Variants in NTN5 observed in about 807,000 individuals in gnomAD.
NTN5 encodes netrin 5.
A neutral mutation model predicts 38.7 loss-of-function variants in NTN5; 42 were observed. The ratio of observed to expected loss-of-function variants is 1.08; its 90% CI spans 0.85 to 1.40. The LOEUF is 1.40. Among genes scored for constraint, NTN5 ranks in the 40% most tolerant of loss-of-function variants. NTN5 has a pLI of 0.00. For missense variants in NTN5, 658 were observed against 716.5 expected (o/e 0.92, Z 0.93); for synonymous variants, 329 against 303.9 (o/e 1.08, Z -0.86).
chr19:48,672,894 C>T (rs1036410519), intron 1 of NTN5, 38 bp downstream of exon 1: 5 of 214,980 alleles, frequency 2.3e-5, no homozygotes, highest in Non-Finnish European at 3.9e-5. Flanking sequence ...GGCATGCACC[C>T]CCCAACCCGA....
chr19:48,661,509 CT>C lies in NTN5; in HGVS notation c.*167del. On this transcript the variant is annotated 3_prime_UTR_variant, in exon 7 of 7. Transcript: ENST00000270235. ...TGGGACCAGAAGTCCCGCTTGCCGC[CT>C]TTTGCTAAAAGTTCCGCACGCCTGC... 1.2e-6 allele frequency: 1 copy of C among 804,040 alleles called. No individual in the cohort carries two copies. Among genetic ancestry groups the C allele is most frequent in the Non-Finnish European group, 1.7e-6 (1 of 580,758 alleles). The allele number at this position is 804,040 out of a possible 1,614,324, so 49.8% of individuals were successfully genotyped here.
intron 2 of NTN5, among the ~76,000 whole-genome samples, chr19:48,668,467 C>CT: frequency 6.6e-6 from 1 of 152,276 alleles, no homozygotes; most frequent in South Asian, 2.1e-4. Context: ...GTCACTTGCC[C>CT]AAGGTCTCAC....
intron 2 of NTN5, among the ~76,000 whole-genome samples, chr19:48,669,468 T>C (rs866423636): frequency 1.5e-4 from 3 of 20,312 alleles, no homozygotes; most frequent in Non-Finnish European, 2.4e-4. Context: ...ACCACCATCA[T>C]CACCACCATC....
intron 2 of NTN5, among the ~76,000 whole-genome samples, chr19:48,669,312 T>C (rs866638478): frequency 1.2e-3 from 14 of 12,088 alleles, no homozygotes; most frequent in South Asian, 2.9e-3. Context: ...ACCACCACCA[T>C]CACCACCACC....
At position 48,661,521 on chromosome 19, in the gene NTN5, G is replaced by T; in HGVS notation, c.*156C>A. Reference sequence around the variant, plus strand: ...TCCCGCTTGCCGCCTTTTGCTAAAAGTTCCGCACGCCTGCTCGGCGTGGGC... The same window carrying T: ...TCCCGCTTGCCGCCTTTTGCTAAAATTTCCGCACGCCTGCTCGGCGTGGGC... On this transcript the variant is annotated 3_prime_UTR_variant, in exon 7 of 7. Transcript: ENST00000270235. The T allele has an allele frequency of 1.0e-6, 1 of 955,102 alleles. No homozygotes were observed. The highest frequency in any genetic ancestry group is 1.4e-6 in the Non-Finnish European group (1 of 721,150). The allele number at this position is 955,102 out of a possible 1,614,324, so 59.2% of individuals were successfully genotyped here.
Position 48,661,483 on chromosome 19 carries a change from T to C in NTN5, c.*194A>G, listed in dbSNP as rs281391. ...AAGCCACAGGCCAAAGGAGGAAATGTTGGGACCAGAAGTCCCGCTTGCCGC... is the reference window on the plus strand; with the variant it reads ...AAGCCACAGGCCAAAGGAGGAAATGCTGGGACCAGAAGTCCCGCTTGCCGC... On this transcript the variant is annotated 3_prime_UTR_variant, in exon 7 of 7. Transcript: ENST00000270235. 385,277 of 538,988 alleles carry C rather than the reference T, an allele frequency of 0.71. 140,776 individuals carry two copies. Among genetic ancestry groups the C allele is most frequent in the Middle Eastern group, 0.83 (1,506 of 1,812 alleles). The allele number at this position is 538,988 out of a possible 1,614,324, so 33.4% of individuals were successfully genotyped here.
At chr19:48,671,478 A>G (rs11880281) in intron 1 of NTN5, among the ~76,000 whole-genome samples, 52,878 of 151,846 alleles carry the variant, frequency 0.35, 10,342 homozygotes, top group African/African-American at 0.54. Context: ...GGCACAGAGA[A>G]GTTGCTGCAA....
chr19:48,662,159 G>C (rs942436734), intron 6 of NTN5, 118 bp from the exon 7 acceptor site: 1 of 1,088,456 alleles, frequency 9.2e-7, no homozygotes, highest in Non-Finnish European at 1.2e-6. Context: ...TTCTGGTATC[G>C]CAGTGGGGAG....
chr19:48,669,864 T>TCACCACCACCATCAC (rs1568452647), intron 2 of NTN5, among the ~76,000 whole-genome samples: 1 of 43,916 alleles, frequency 2.3e-5, no homozygotes, highest in Admixed American at 2.0e-4. Context: ...ACCACCACCA[T>TCACCACCACCATCAC]CACCATCATC....
chr19:48,662,046 G>C lies in NTN5; in HGVS notation c.1106-5C>G. The C allele has an allele frequency of 2.1e-6, 3 of 1,462,860 alleles. No individual in the cohort carries two copies. Among genetic ancestry groups the C allele is most frequent in the Non-Finnish European group, 2.7e-6 (3 of 1,115,328 alleles). The allele number at this position is 1,462,860 out of a possible 1,614,324, so 90.6% of individuals were successfully genotyped here. A position where few individuals can be genotyped will look rare whatever the true frequency, so the allele number is the denominator to read the frequency against. On this transcript the variant is annotated splice_polypyrimidine_tract_variant and splice_region_variant and intron_variant, in intron 6 of 6. Coordinates refer to ENST00000270235, the MANE Select transcript of NTN5 (RefSeq NM_145807.4). ...CTAGCACCTGCGCGCGGAGAACTGT[G>C]GGGAGGGGAGATGTCAGCCCAGGTC...
intron 1 of NTN5, among the ~76,000 whole-genome samples, chr19:48,671,339 A>G (rs2031958041): frequency 6.6e-6 from 1 of 150,748 alleles, no homozygotes. Context: ...GTGGAAACCT[A>G]GAGAGGGACA....
In NTN5 at chr19:48,661,936, C is replaced by T. The variant is rs1165896157; in HGVS notation, c.1211G>A (p.Arg404His). The T allele has an allele frequency of 1.5e-6, 2 of 1,377,690 alleles. No individual in the cohort carries two copies. The highest frequency in any genetic ancestry group is 1.9e-6 in the Non-Finnish European group (2 of 1,070,608). The allele number at this position is 1,377,690 out of a possible 1,614,324, so 85.3% of individuals were successfully genotyped here. Residue 404 changes from arginine to histidine, a missense_variant, in exon 7 of 7, where the codon CGC becomes CAC. Physicochemically the swap from Arg to His is conservative, Grantham distance 29. Transcript: ENST00000270235. Reference protein sequence around the residue: ...VYKQRAQPVRRGDQDAWVPRA... With the variant: ...VYKQRAQPVRHGDQDAWVPRA... Reference sequence around the variant, plus strand: ...GGGCACCCAGGCGTCCTGGTCGCCGCGTCGCACGGGCTGCGCCCGCTGCTT... The same window carrying T: ...GGGCACCCAGGCGTCCTGGTCGCCGTGTCGCACGGGCTGCGCCCGCTGCTT...
Position 48,661,591 on chromosome 19 carries a change from C to G in NTN5, c.*86G>C, listed in dbSNP as rs1047600071. 12 of 1,360,274 alleles carry G rather than the reference C, an allele frequency of 8.8e-6. No homozygotes were observed. Among genetic ancestry groups the G allele is most frequent in the Non-Finnish European group, 1.0e-5 (11 of 1,049,984 alleles). The allele number at this position is 1,360,274 out of a possible 1,614,324, so 84.3% of individuals were successfully genotyped here. A position where few individuals can be genotyped will look rare whatever the true frequency, so the allele number is the denominator to read the frequency against. On this transcript the variant is annotated 3_prime_UTR_variant, in exon 7 of 7. Coordinates refer to ENST00000270235, the MANE Select transcript of NTN5 (RefSeq NM_145807.4). The stretch of plus-strand genomic sequence containing the variant: ...GGCTCTGCGACGTCTGATTGGCTCT[C>G]TGCAGTGCACCGTCGAGGTAGAAGG...
Position 48,661,528 on chromosome 19 carries a change from A to G in NTN5, c.*149T>C. The G allele has an allele frequency of 1.0e-6, 1 of 1,000,518 alleles. No individual in the cohort carries two copies. Among genetic ancestry groups the G allele is most frequent in the Non-Finnish European group, 1.3e-6 (1 of 762,244 alleles). 62.0% of individuals were successfully genotyped at this position (1,000,518 alleles called of 1,614,324 possible). On this transcript the variant is annotated 3_prime_UTR_variant, in exon 7 of 7. Coordinates refer to ENST00000270235, the MANE Select transcript of NTN5 (RefSeq NM_145807.4). ...TGCCGCCTTTTGCTAAAAGTTCCGC[A>G]CGCCTGCTCGGCGTGGGCGCAAGCA...
Position 48,663,549 on chromosome 19 carries a change from G to A in NTN5, c.1025-6C>T, listed in dbSNP as rs752838624. On this transcript the variant is annotated splice_polypyrimidine_tract_variant and splice_region_variant and intron_variant, in intron 5 of 6. Coordinates refer to ENST00000270235, the MANE Select transcript of NTN5 (RefSeq NM_145807.4). ...GTAGTTTTGACACTGAGGGTCTGGG[G>A]AGGGTCAGGCTGTCTGCAGTGGGCT... The A allele has an allele frequency of 3.1e-6, 5 of 1,614,068 alleles. No homozygotes were observed. The highest frequency in any genetic ancestry group is 3.3e-5 in the Admixed American group (2 of 60,018).
chr19:48,669,226 G>C (rs796651933), intron 2 of NTN5, among the ~76,000 whole-genome samples: 169 of 1,316 alleles, frequency 0.13, no homozygotes, highest in East Asian at 0.21. Flanking sequence ...CCACCACCAC[G>C]ACCATCATCA....
At chr19:48,669,957 TCAC>T (rs1568452776) in intron 2 of NTN5, among the ~76,000 whole-genome samples, 1 of 6,672 alleles carries the variant, frequency 1.5e-4, no homozygotes, top group Non-Finnish European at 3.3e-4. Flanking sequence ...ACCACCACCA[TCAC>T]CATCACCACC....
chr19:48,668,948 C>T lies in NTN5; in HGVS notation c.631+1408G>A, dbSNP rs557905119. ...GTTATTACATCATCATCACCACCAC[C>T]ATCATCATCACCACTATCACCACCA... On this transcript the variant is annotated intron_variant, in intron 2 of 6. Transcript: ENST00000270235. Among the ~76,000 whole-genome samples the T allele has an allele frequency of 2.7e-5, 4 of 149,366 alleles. No individual in the cohort carries two copies. In the South Asian group the frequency reaches 8.5e-4, roughly 32 times the overall value.
rs1196589488 is a variant in NTN5, at chr19:48,661,608, G to A, written c.*69C>T. 72 of 1,415,610 alleles carry A rather than the reference G, an allele frequency of 5.1e-5. No individual in the cohort carries two copies. The highest frequency in any genetic ancestry group is 4.6e-5 in the Non-Finnish European group (50 of 1,086,524). The allele number at this position is 1,415,610 out of a possible 1,614,324, so 87.7% of individuals were successfully genotyped here. ...TTGGCTCTCTGCAGTGCACCGTCGA[G>A]GTAGAAGGCTCAGCTCCTAGTCGCT... On this transcript the variant is annotated 3_prime_UTR_variant, in exon 7 of 7. Coordinates refer to ENST00000270235, the MANE Select transcript of NTN5 (RefSeq NM_145807.4).
Sources: gnomAD v4.1 joint callset for allele counts (sites outside exome capture counted in the v4.1 genomes callset) on GRCh38, gnomAD v4.1.1 for gene constraint, MANE v1.5 for transcripts, NCBI Gene and HGNC (gene_info 2026-07-23, HGNC 2026-07-21) for gene names.